Variants in TANC2 observed in about 807,000 individuals in gnomAD.
TANC2 encodes protein TANC2.
TANC2 carries 26 observed loss-of-function variants against 210.5 expected under a neutral mutation model. That is an observed-to-expected ratio of 0.12 (90% CI 0.09 to 0.17). The LOEUF is 0.17. Ranked by LOEUF, TANC2 falls within the 10% of genes least tolerant of loss-of-function variation. TANC2 has a pLI of 1.00. For missense variants in TANC2, 2,129 were observed against 2,608.9 expected (o/e 0.82, Z 4.01); for synonymous variants, 931 against 967.1 (o/e 0.96, Z 0.69).
intron 2 of TANC2, among the ~76,000 whole-genome samples, chr17:63,037,496 T>C (rs1441916030): frequency 6.6e-6 from 1 of 152,072 alleles, no homozygotes; most frequent in Non-Finnish European, 1.5e-5. Flanking sequence ...GGTTTCTTAT[T>C]GTACATTGCT....
chr17:63,141,339 C>T (rs559131774), intron 4 of TANC2, among the ~76,000 whole-genome samples: 48 of 115,420 alleles, frequency 4.2e-4, no homozygotes, highest in African/African-American at 1.5e-3. Context: ...GTCAGGAGTT[C>T]AAGACCAGCC....
chr17:63,255,909 T>C (rs1036699037), intron 8 of TANC2, among the ~76,000 whole-genome samples: 7 of 143,728 alleles, frequency 4.9e-5, no homozygotes, highest in South Asian at 2.2e-4. Flanking sequence ...TTTTCTTTTT[T>C]TTTTTTTTTT....
In TANC2 at chr17:63,412,425, C is replaced by A. The variant is rs1354379208; in HGVS notation, c.3899-255C>A. On this transcript the variant is annotated intron_variant, in intron 23 of 27. Transcript: ENST00000689528. This position sits in a 1 kb window ranked among gnomAD's most constrained non-coding sequence, Gnocchi z 4.2. ...GCACTGCCTCTGTTCCAGCCCCACT[C>A]TATCAGCATCCTGGATCTCTGCGCT... Among the ~76,000 whole-genome samples, 1 of 152,204 alleles carries A rather than the reference C, an allele frequency of 6.6e-6. No individual in the cohort carries two copies. Among genetic ancestry groups the A allele is most frequent in the Non-Finnish European group, 1.5e-5 (1 of 68,038 alleles).
At chr17:63,284,444 A>C (rs2460108) in intron 9 of TANC2, among the ~76,000 whole-genome samples, 90,772 of 151,432 alleles carry the variant, frequency 0.6, 29,673 homozygotes, top group African/African-American at 0.86. Flanking sequence ...GGAAAGTATT[A>C]CCTCCTCTTT....
chr17:63,418,170 C>A lies in TANC2; in HGVS notation c.4168-137C>A. ...CAGTCCACAGGCCACGCGGCTTGAG[C>A]CATGTCAGGCACGTCTAGCGTCCCA... On this transcript the variant is annotated intron_variant, in intron 26 of 27. Transcript: ENST00000689528. This position sits in a 1 kb window ranked among gnomAD's most constrained non-coding sequence, Gnocchi z 4.6. The A allele has an allele frequency of 3.5e-6, 3 of 867,320 alleles. No homozygotes were observed. Among genetic ancestry groups the A allele is most frequent in the Non-Finnish European group, 5.3e-6 (3 of 562,642 alleles). The allele number at this position is 867,320 out of a possible 1,614,324, so 53.7% of individuals were successfully genotyped here. A position where few individuals can be genotyped will look rare whatever the true frequency, so the allele number is the denominator to read the frequency against.
chr17:63,320,618 C>G (rs913373854), intron 11 of TANC2: 3 of 152,158 alleles, frequency 2.0e-5, no homozygotes, highest in Admixed American at 6.5e-5. Flanking sequence ...ATTATTTTTT[C>G]TCAATTTTGA....
At chr17:63,020,000 C>G (rs1187694342) in intron 2 of TANC2, among the ~76,000 whole-genome samples, 1 of 152,188 alleles carries the variant, frequency 6.6e-6, no homozygotes, top group Non-Finnish European at 1.5e-5. Context: ...GATCTCAGCT[C>G]ACTGCAACCT....
chr17:63,131,468 A>C (rs896366363), intron 4 of TANC2, among the ~76,000 whole-genome samples: 14 of 151,990 alleles, frequency 9.2e-5, no homozygotes, highest in African/African-American at 3.1e-4. Context: ...AAAAAAGGGG[A>C]GGATAAAACA....
chr17:63,406,841 C>T (rs992053252), intron 21 of TANC2, among the ~76,000 whole-genome samples: 17 of 152,182 alleles, frequency 1.1e-4, no homozygotes, highest in African/African-American at 4.1e-4. Flanking sequence ...GTTGCTGTGA[C>T]CTCTATCACC....
chr17:62,978,382 G>A (rs1237743428), intron 1 of TANC2: 4 of 152,136 alleles, frequency 2.6e-5, no homozygotes, highest in Non-Finnish European at 5.9e-5. Flanking sequence ...AATAGCATAG[G>A]GAGATGCCTG....
chr17:63,332,229 CT>C, intron 11 of TANC2: 3 of 356,404 alleles, frequency 8.4e-6, no homozygotes, highest in South Asian at 2.4e-5. Context: ...CTATAATAAC[CT>C]TTTATGGTAC....
intron 4 of TANC2, among the ~76,000 whole-genome samples, chr17:63,124,466 A>G (rs997978741): frequency 1.3e-5 from 2 of 152,172 alleles, no homozygotes; most frequent in African/African-American, 4.8e-5. Flanking sequence ...CTGTAGTCCA[A>G]ACTCTTAGCT....
At chr17:63,392,224 C>T (rs934078076) in intron 17 of TANC2, among the ~76,000 whole-genome samples, 1 of 152,172 alleles carries the variant, frequency 6.6e-6, no homozygotes. Context: ...ACTCTTAACC[C>T]CAAATTGCTA....
chr17:63,230,972 G>A (rs1221455975), intron 7 of TANC2, among the ~76,000 whole-genome samples: 3 of 152,142 alleles, frequency 2.0e-5, no homozygotes, highest in African/African-American at 4.8e-5. Context: ...TATATATTTA[G>A]TATAGTTAGC....
At chr17:63,222,475 A>G (rs2042219412) in intron 7 of TANC2, among the ~76,000 whole-genome samples, 1 of 152,214 alleles carries the variant, frequency 6.6e-6, no homozygotes, top group South Asian at 2.1e-4. Context: ...AAGACTGCAT[A>G]CTGTATGATT....
intron 5 of TANC2, among the ~76,000 whole-genome samples, chr17:63,190,755 A>T (rs892776894): frequency 2.0e-5 from 3 of 152,226 alleles, no homozygotes; most frequent in African/African-American, 7.2e-5. Context: ...AGAAGATTTG[A>T]TACACACAAT....
chr17:63,384,523 T>TA, intron 15 of TANC2, among the ~76,000 whole-genome samples: 1 of 152,244 alleles, frequency 6.6e-6, no homozygotes, highest in South Asian at 2.1e-4. Context: ...GACTCTTACC[T>TA]ACATTTAATA....
chr17:63,174,693 C>A (rs1280001115), intron 5 of TANC2, among the ~76,000 whole-genome samples: 1 of 152,028 alleles, frequency 6.6e-6, no homozygotes. Flanking sequence ...TGTATGTTAG[C>A]AGAGCAATAT....
In TANC2 at chr17:63,418,183, G is replaced by A. The variant is rs2048923146; in HGVS notation, c.4168-124G>A. 3.0e-5 allele frequency: 30 copies of A among 994,742 alleles called. No homozygotes were observed. Among genetic ancestry groups the A allele is most frequent in the South Asian group, 1.4e-4 (9 of 62,828 alleles). 61.6% of individuals were successfully genotyped at this position (994,742 alleles called of 1,614,324 possible). A position where few individuals can be genotyped will look rare whatever the true frequency, so the allele number is the denominator to read the frequency against. On this transcript the variant is annotated intron_variant, in intron 26 of 27. Transcript: ENST00000689528. This position sits in a 1 kb window ranked among gnomAD's most constrained non-coding sequence, Gnocchi z 4.6. Reference sequence around the variant, plus strand: ...ACGCGGCTTGAGCCATGTCAGGCACGTCTAGCGTCCCAGGCGTTCCATCCA... The same window carrying A: ...ACGCGGCTTGAGCCATGTCAGGCACATCTAGCGTCCCAGGCGTTCCATCCA...
Sources: gnomAD v4.1 joint callset for allele counts (sites outside exome capture counted in the v4.1 genomes callset) on GRCh38, gnomAD v4.1.1 for gene constraint, Gnocchi (gnomAD v3.1) non-coding constraint, MANE v1.5 for transcripts, NCBI Gene and HGNC (gene_info 2026-07-23, HGNC 2026-07-21) for gene names.